Variants in ZNF536 observed in about 807,000 individuals in gnomAD.
ZNF536 encodes zinc finger protein 536.
Under a neutral mutation model 84.5 loss-of-function variants are expected in ZNF536, and 13 were observed. That is an observed-to-expected ratio of 0.15 (90% CI 0.10 to 0.24). The LOEUF is 0.24. ZNF536 is among the 10% of genes least tolerant of loss of function. The pLI, the probability that ZNF536 is intolerant of heterozygous loss-of-function variation, is 1.00. For missense variants in ZNF536, 1,536 were observed against 1,747.5 expected, an observed-to-expected ratio of 0.88 and a Z score of 2.16; for synonymous variants, 811 against 742.5, an observed-to-expected ratio of 1.09 and a Z score of -1.50.
intron 2 of ZNF536, among the ~76,000 whole-genome samples, chr19:30,328,730 C>G (rs1007420396): frequency 1.3e-5 from 2 of 152,204 alleles, no homozygotes; most frequent in African/African-American, 4.8e-5. Context: ...CTGGAAAGAT[C>G]GTGGCATGTT....
At chr19:30,400,001 TTTAAAATTCAGCATAATGCCC>T (rs1447020916) in intron 1 of ZNF536, among the ~76,000 whole-genome samples, 2 of 152,228 alleles carry the variant, frequency 1.3e-5, no homozygotes, top group Non-Finnish European at 2.9e-5. Context: ...GCATTGGCTT[TTTAAAATTCAGCATAATGCCC>T]TTGAGCGCCA....
intron 2 of ZNF536, among the ~76,000 whole-genome samples, chr19:30,509,861 G>T (rs1251576997): frequency 6.6e-6 from 1 of 152,224 alleles, no homozygotes; most frequent in African/African-American, 2.4e-5. Context: ...GGTGGAAACT[G>T]TTGAATCGTG....
At chr19:30,591,754 C>G (rs2146802217) in intron 1 of ZNF536, among the ~76,000 whole-genome samples, 1 of 152,252 alleles carries the variant, frequency 6.6e-6, no homozygotes, top group African/African-American at 2.4e-5. Context: ...GTTGGACTTT[C>G]AATTGCCAAC....
chr19:30,228,430 T>C (rs1251833844), upstream of ZNF536: 1 of 152,074 alleles, frequency 6.6e-6, no homozygotes, highest in Non-Finnish European at 1.5e-5. The surrounding 1 kb of genome is among the most constrained non-coding windows in gnomAD (Gnocchi z 4.5). Flanking sequence ...CCGCTTTAAT[T>C]AACTTCGAGA....
intron 1 of ZNF536, among the ~76,000 whole-genome samples, chr19:30,659,744 C>T (rs1353080612): frequency 1.3e-5 from 2 of 150,870 alleles, no homozygotes; most frequent in East Asian, 3.9e-4. Context: ...TTATCTCCAC[C>T]TGGCTCCACC....
At chr19:30,443,326 T>G (rs916842208) in intron 1 of ZNF536, among the ~76,000 whole-genome samples, 14 of 152,234 alleles carry the variant, frequency 9.2e-5, no homozygotes, top group African/African-American at 3.4e-4. Context: ...TTGCAGTCTG[T>G]AAATAGAAAA....
At chr19:30,653,013 G>A (rs2049767148) in intron 1 of ZNF536, among the ~76,000 whole-genome samples, 2 of 152,230 alleles carry the variant, frequency 1.3e-5, no homozygotes, top group African/African-American at 4.8e-5. Flanking sequence ...GGACCGAATG[G>A]CGGCTATTTC....
chr19:30,641,200 C>G (rs1600120715), intron 1 of ZNF536, among the ~76,000 whole-genome samples: 2 of 152,136 alleles, frequency 1.3e-5, no homozygotes, highest in South Asian at 4.1e-4. Context: ...CTACATTTAA[C>G]CCAATCTGTT....
intron 1 of ZNF536, among the ~76,000 whole-genome samples, chr19:30,592,010 C>T (rs1171847940): frequency 2.0e-5 from 3 of 152,128 alleles, no homozygotes; most frequent in Admixed American, 1.3e-4. Flanking sequence ...TGCAACTAAC[C>T]TGCCTTGTTC....
At position 30,242,272 on chromosome 19, in the gene ZNF536, C is replaced by G. The variant is rs143019489; in HGVS notation, c.-190+13599C>G. On this transcript the variant is annotated intron_variant, in intron 1 of 5. Transcript: ENST00000585628. ...GAGAAGATAAAGTTAGCTACAAAGA[C>G]AAAAATGATCAAGCTGTCTCACAGG... Among the ~76,000 whole-genome samples the G allele has an allele frequency of 1.1e-4, 16 of 152,192 alleles. No individual in the cohort carries two copies. In the East Asian group the frequency reaches 3.1e-3, roughly 29 times the overall value.
chr19:30,404,835 T>C (rs1365321822), intron 1 of ZNF536, among the ~76,000 whole-genome samples: 3 of 152,064 alleles, frequency 2.0e-5, no homozygotes, highest in African/African-American at 7.2e-5. Flanking sequence ...GCGAGCTCAG[T>C]CCCCAAGACG....
rs562717029 is a variant in ZNF536, at chr19:30,453,317, G to A, written c.2170+7585G>A. 1.2e-3 allele frequency among the ~76,000 whole-genome samples: 182 copies of A among 152,282 alleles called. 1 individual carries two copies. Among genetic ancestry groups the A allele is most frequent in the African/African-American group, 4.3e-3 (180 of 41,546 alleles). On this transcript the variant is annotated intron_variant, in intron 2 of 4. Coordinates refer to ENST00000355537, the MANE Select transcript of ZNF536 (RefSeq NM_014717.3). ...GGTAGATAAGACAGGTCTACCTCGG[G>A]GTGCATGTGGGCTCTTTGCTGTCTG...
intron 1 of ZNF536, among the ~76,000 whole-genome samples, chr19:30,645,546 A>G (rs1022291023): frequency 6.6e-6 from 1 of 152,242 alleles, no homozygotes; most frequent in African/African-American, 2.4e-5. Context: ...TCATTTTGCA[A>G]CTTTTCATCC....
At chr19:30,492,559 T>G (rs989380968) in intron 2 of ZNF536, among the ~76,000 whole-genome samples, 3 of 152,266 alleles carry the variant, frequency 2.0e-5, no homozygotes, top group African/African-American at 7.2e-5. Context: ...AAAAATGATC[T>G]GTGATTTATG....
intron 1 of ZNF536, among the ~76,000 whole-genome samples, chr19:30,574,671 A>C (rs2046667899): frequency 6.6e-6 from 1 of 152,176 alleles, no homozygotes; most frequent in African/African-American, 2.4e-5. Flanking sequence ...AGCCCATGTA[A>C]TCCCATGCTG....
chr19:30,633,757 A>C (rs899225110), intron 1 of ZNF536, among the ~76,000 whole-genome samples: 2 of 151,978 alleles, frequency 1.3e-5, no homozygotes, highest in African/African-American at 4.8e-5. Context: ...ATTTTTTTGT[A>C]GAGATGGGGT....
intron 1 of ZNF536, among the ~76,000 whole-genome samples, chr19:30,654,084 T>C (rs971491877): frequency 3.3e-5 from 5 of 152,076 alleles, no homozygotes; most frequent in African/African-American, 9.7e-5. Flanking sequence ...TAATTAAAGG[T>C]CTTGAGATCC....
chr19:30,362,613 G>A (rs2048309019), intron 3 of ZNF536, among the ~76,000 whole-genome samples: 3 of 152,250 alleles, frequency 2.0e-5, no homozygotes, highest in Admixed American at 1.3e-4. Context: ...CCTTTGCCAA[G>A]CCTACTCCTT....
chr19:30,256,156 A>T (rs1568534103), intron 1 of ZNF536, among the ~76,000 whole-genome samples: 1 of 152,210 alleles, frequency 6.6e-6, no homozygotes, highest in Non-Finnish European at 1.5e-5. Context: ...AGCTCACAGA[A>T]TTTAAGGCCC....
Sources: allele counts gnomAD v4.1 joint callset (sites outside exome capture counted in the v4.1 genomes callset), GRCh38; gene constraint gnomAD v4.1.1; non-coding constraint Gnocchi (gnomAD v3.1); transcripts MANE v1.5; gene names NCBI Gene and HGNC (gene_info 2026-07-23, HGNC 2026-07-21).